The following EFCAB5 variants were observed in gnomAD, a reference collection of about 807,000 sequenced individuals.
The protein encoded by EFCAB5 is EF-hand calcium-binding domain-containing protein 5.
Under a neutral mutation model 167.9 loss-of-function variants are expected in EFCAB5, and 131 were observed. That is an observed-to-expected ratio of 0.78 (90% CI 0.68 to 0.90). The LOEUF (loss-of-function observed/expected upper bound fraction) is 0.90, where lower values mean the gene tolerates loss of function less well. Among genes scored for constraint, EFCAB5 ranks in the 40% least tolerant of loss-of-function variants. The pLI is 0.00. For missense variants in EFCAB5, 1,663 were observed against 1,745.2 expected (o/e 0.95, Z 0.84); for synonymous variants, 574 against 602.8 (o/e 0.95, Z 0.70).
upstream of EFCAB5, among the ~76,000 whole-genome samples, chr17:29,937,269 C>G (rs2151508699): frequency 6.6e-6 from 1 of 152,238 alleles, no homozygotes; most frequent in Non-Finnish European, 1.5e-5. Context: ...TCACTGCAAC[C>G]TCCGCCTCCC....
intron 14 of EFCAB5, among the ~76,000 whole-genome samples, chr17:30,067,648 A>G (rs991400376): frequency 6.6e-6 from 1 of 152,222 alleles, no homozygotes; most frequent in Non-Finnish European, 1.5e-5. Context: ...CCTTCATGAT[A>G]AAAACTCTCA....
chr17:30,006,328 T>G (rs1420026857), intron 7 of EFCAB5, among the ~76,000 whole-genome samples: 2 of 152,220 alleles, frequency 1.3e-5, no homozygotes, highest in Non-Finnish European at 2.9e-5. Flanking sequence ...TTTGTAGATT[T>G]TTTTTGGAGA....
upstream of EFCAB5, among the ~76,000 whole-genome samples, chr17:29,940,546 A>C (rs1458857680): frequency 6.6e-6 from 1 of 152,198 alleles, no homozygotes; most frequent in Non-Finnish European, 1.5e-5. Context: ...ATTTCAGGAG[A>C]TGGACACCAT....
Position 30,080,741 on chromosome 17 carries a change from CTT to C in EFCAB5, c.3198-8_3198-7del. 1 of 1,573,234 alleles carries C rather than the reference CTT, an allele frequency of 6.4e-7. No homozygotes were observed. Among genetic ancestry groups the C allele is most frequent in the Non-Finnish European group, 8.7e-7 (1 of 1,154,936 alleles). Reference sequence around the variant, plus strand: ...TGTGCCTTTCTTCCATCCTCATACTCTTTTTCCTCAGCTTTACAGTAGTGGAT... The same window carrying C: ...TGTGCCTTTCTTCCATCCTCATACTCTTTCCTCAGCTTTACAGTAGTGGAT... On this transcript the variant is annotated splice_polypyrimidine_tract_variant and intron_variant, in intron 16 of 22. Transcript: ENST00000394835.
intron 5 of EFCAB5, among the ~76,000 whole-genome samples, chr17:29,995,855 T>C (rs2068532103): frequency 6.6e-6 from 1 of 152,228 alleles, no homozygotes; most frequent in Admixed American, 6.5e-5. Flanking sequence ...AAACTGCTGA[T>C]TTCTTTGGAG....
chr17:29,948,056 C>CCT (rs2067438873), intron 3 of EFCAB5, among the ~76,000 whole-genome samples: 1 of 152,160 alleles, frequency 6.6e-6, no homozygotes, highest in African/African-American at 2.4e-5. Context: ...AAACTCCTGA[C>CCT]CTCAGGTGAT....
At chr17:30,105,089 C>CT (rs906691277) in intron 22 of EFCAB5, among the ~76,000 whole-genome samples, 9 of 152,240 alleles carry the variant, frequency 5.9e-5, no homozygotes, top group African/African-American at 2.2e-4. Flanking sequence ...AAAATAAGGA[C>CT]TTTTAGGAGT....
chr17:30,004,097 G>A (rs545843017), intron 7 of EFCAB5, among the ~76,000 whole-genome samples: 3 of 152,218 alleles, frequency 2.0e-5, no homozygotes, highest in East Asian at 1.9e-4. Context: ...CATGGGAGCC[G>A]AAGAGGCCTG....
chr17:29,943,070 A>AT (rs2067326811), intron 2 of EFCAB5, among the ~76,000 whole-genome samples: 1 of 151,516 alleles, frequency 6.6e-6, no homozygotes, highest in African/African-American at 2.4e-5. Flanking sequence ...ATATAGTCAG[A>AT]TTTTTAAAGT....
At chr17:29,993,424 C>T (rs1446963225) in intron 5 of EFCAB5, 103 bp downstream of exon 5, 2 of 1,225,984 alleles carry the variant, frequency 1.6e-6, no homozygotes, top group Non-Finnish European at 2.2e-6. Context: ...TTGAAATTTT[C>T]AGTATTGCTG....
chr17:30,099,906 A>C (rs902967749), intron 22 of EFCAB5, among the ~76,000 whole-genome samples: 1 of 152,080 alleles, frequency 6.6e-6, no homozygotes, highest in African/African-American at 2.4e-5. Flanking sequence ...AAGGTGACCT[A>C]TAAGGCTGGT....
Position 30,108,301 on chromosome 17 carries a change from G to T in EFCAB5, c.*277G>T, listed in dbSNP as rs536760018. On this transcript the variant is annotated 3_prime_UTR_variant, in exon 23 of 23. Transcript: ENST00000394835. ...CAGTTTGAGCTTTGTATCTGCTGTG[G>T]AACTGTTATGGTTGATTGGGTAGTT... is the stretch of plus-strand genomic sequence containing the variant. 34 of 271,094 alleles carry T rather than the reference G, an allele frequency of 1.3e-4. No individual in the cohort carries two copies. Among genetic ancestry groups the T allele is most frequent in the African/African-American group, 7.4e-4 (32 of 43,512 alleles). The allele number at this position is 271,094 out of a possible 1,614,324, so 16.8% of individuals were successfully genotyped here. A position where few individuals can be genotyped will look rare whatever the true frequency, so the allele number is the denominator to read the frequency against.
intron 7 of EFCAB5, among the ~76,000 whole-genome samples, chr17:30,033,679 G>A (rs1256686924): frequency 6.6e-6 from 1 of 152,014 alleles, no homozygotes; most frequent in Non-Finnish European, 1.5e-5. Flanking sequence ...TACTCAACAG[G>A]GATCAAGAGA....
chr17:29,996,343 A>C lies in EFCAB5; in HGVS notation c.956A>C (p.Asn319Thr), dbSNP rs1409079630. 1 of 1,551,362 alleles carries C rather than the reference A, an allele frequency of 6.4e-7. No homozygotes were observed. Among genetic ancestry groups the C allele is most frequent in the African/African-American group, 1.4e-5 (1 of 73,268 alleles). Residue 319 changes from asparagine (N) to threonine (T), a missense_variant, in exon 6 of 23, where the codon AAT (asparagine) becomes ACT (threonine). Physicochemically the swap from Asn to Thr is moderately conservative, Grantham distance 65 (BLOSUM62 0). Transcript: ENST00000394835. ...AATGTTCTTCAAGAATTCTTTCAAAATCCAGATTTCAAGCTTGGTAAGTCT... is the reference window on the plus strand; with the variant it reads ...AATGTTCTTCAAGAATTCTTTCAAACTCCAGATTTCAAGCTTGGTAAGTCT... ...IQNVLQEFFQ[N>T]PDFKLGSHCK...
chr17:30,006,321 G>T (rs953333846), intron 7 of EFCAB5, among the ~76,000 whole-genome samples: 3 of 152,102 alleles, frequency 2.0e-5, no homozygotes, highest in Non-Finnish European at 4.4e-5. Flanking sequence ...AAACAAATTT[G>T]TAGATTTTTT....
chr17:30,059,927 A>G (rs1215097653), intron 14 of EFCAB5: 1 of 251,728 alleles, frequency 4.0e-6, no homozygotes, highest in African/African-American at 2.2e-5. Context: ...GGATCCAGTG[A>G]TCCTCCTACC....
intron 14 of EFCAB5, chr17:30,069,609 T>C (rs1326851260): frequency 6.2e-7 from 1 of 1,612,838 alleles, no homozygotes; most frequent in Non-Finnish European, 8.5e-7. Flanking sequence ...TTCTCCTTGC[T>C]CTTCCTCGAC....
chr17:29,948,083 C>T (rs970105532), intron 3 of EFCAB5, among the ~76,000 whole-genome samples: 2 of 152,312 alleles, frequency 1.3e-5, no homozygotes, highest in African/African-American at 4.8e-5. Context: ...ACCTCGGCCT[C>T]CCAAAGTGCT....
intron 4 of EFCAB5, among the ~76,000 whole-genome samples, chr17:29,971,196 C>T (rs372976209): frequency 6.6e-6 from 1 of 152,008 alleles, no homozygotes; most frequent in East Asian, 1.9e-4. Context: ...TATTTTCTAT[C>T]TGGATGTAGT....
Sources: allele counts gnomAD v4.1 joint callset (sites outside exome capture counted in the v4.1 genomes callset), GRCh38; gene constraint gnomAD v4.1.1; transcripts MANE v1.5; gene names NCBI Gene and HGNC (gene_info 2026-07-23, HGNC 2026-07-21).